The following ARHGEF28 variants were observed in gnomAD, a reference collection of about 807,000 sequenced individuals.
ARHGEF28 encodes 190 kDa guanine nucleotide exchange factor.
In ARHGEF28, 152 loss-of-function variants were observed where a neutral mutation model predicts 206.6. The ratio of observed to expected loss-of-function variants is 0.74; its 90% CI spans 0.64 to 0.84. ARHGEF28 has a LOEUF of 0.84. ARHGEF28 is among the 40% of genes least tolerant of loss of function. The probability of loss-of-function intolerance (pLI) is 0.00; values close to 1 mark genes in which losing one functional copy is unlikely to be tolerated. For synonymous variants in ARHGEF28, 763 were observed against 776.4 expected, an observed-to-expected ratio of 0.98 and a Z score of 0.29; for missense variants, 2,028 against 2,073.2, an observed-to-expected ratio of 0.98 and a Z score of 0.42.
intron 2 of ARHGEF28, among the ~76,000 whole-genome samples, chr5:73,727,812 A>C (rs1580533653): frequency 6.6e-6 from 1 of 152,284 alleles, no homozygotes; most frequent in South Asian, 2.1e-4. Context: ...ATTGAACAGA[A>C]TCCCTCAGCA....
intron 1 of ARHGEF28, among the ~76,000 whole-genome samples, chr5:73,673,196 T>C (rs780088860): frequency 2.9e-4 from 44 of 152,348 alleles, no homozygotes; most frequent in Non-Finnish European, 1.2e-4. Context: ...ATTGAAGGTT[T>C]TTACTTAGAC....
intron 9 of ARHGEF28, among the ~76,000 whole-genome samples, chr5:73,804,721 A>G (rs1404866835): frequency 6.6e-6 from 1 of 151,892 alleles, no homozygotes; most frequent in Non-Finnish European, 1.5e-5. Flanking sequence ...TCATCATTAC[A>G]CTGAGAATTA....
intron 21 of ARHGEF28, among the ~76,000 whole-genome samples, chr5:73,872,367 T>A (rs773679026): frequency 6.6e-6 from 1 of 152,284 alleles, no homozygotes; most frequent in Non-Finnish European, 1.5e-5. Context: ...ATAAGATTTT[T>A]AAAAATATAC....
chr5:73,714,870 T>C (rs1040531154), intron 2 of ARHGEF28, among the ~76,000 whole-genome samples: 2 of 152,208 alleles, frequency 1.3e-5, no homozygotes, highest in Admixed American at 6.5e-5. Context: ...GATTAGTTTC[T>C]TGCAGTAAAA....
intron 1 of ARHGEF28, among the ~76,000 whole-genome samples, chr5:73,664,678 G>T (rs1201279969): frequency 6.6e-6 from 1 of 151,958 alleles, no homozygotes; most frequent in Non-Finnish European, 1.5e-5. Flanking sequence ...TTTTCTCTTG[G>T]AGTTCTCCAA....
At chr5:73,665,571 G>C (rs1745898745) in intron 1 of ARHGEF28, among the ~76,000 whole-genome samples, 1 of 152,096 alleles carries the variant, frequency 6.6e-6, no homozygotes, top group East Asian at 1.9e-4. Context: ...AAATTTATTT[G>C]GTTCATGGTT....
intron 1 of ARHGEF28, among the ~76,000 whole-genome samples, chr5:73,635,204 A>G (rs565787002): frequency 2.0e-4 from 30 of 152,262 alleles, no homozygotes; most frequent in Middle Eastern, 3.4e-3. Flanking sequence ...TTATCCAGGC[A>G]TGGTGGCACA....
At chr5:73,824,429 G>A (rs1756771796) in intron 9 of ARHGEF28, among the ~76,000 whole-genome samples, 1 of 151,978 alleles carries the variant, frequency 6.6e-6, no homozygotes, top group African/African-American at 2.4e-5. Flanking sequence ...GCTGGGTCAG[G>A]GGACCTCCTG....
At chr5:73,885,780 A>G in intron 24 of ARHGEF28, 70 bp from the exon 25 acceptor site, 1 of 1,428,834 alleles carries the variant, frequency 7.0e-7, no homozygotes, top group Admixed American at 2.5e-5. Context: ...ACTAAAGAAG[A>G]AGTTTTCTTC....
intron 9 of ARHGEF28, among the ~76,000 whole-genome samples, chr5:73,831,507 T>G (rs1437143586): frequency 1.3e-5 from 2 of 152,246 alleles, no homozygotes; most frequent in Non-Finnish European, 2.9e-5. Flanking sequence ...TGTGAGATTC[T>G]GCATGTTAGC....
intron 1 of ARHGEF28, among the ~76,000 whole-genome samples, chr5:73,665,606 G>T (rs1445902225): frequency 6.6e-6 from 1 of 152,128 alleles, no homozygotes; most frequent in Non-Finnish European, 1.5e-5. Context: ...GTTCTAGCTG[G>T]TGGGGCTGCA....
intron 9 of ARHGEF28, among the ~76,000 whole-genome samples, chr5:73,811,893 G>T (rs1428473971): frequency 6.7e-6 from 1 of 148,854 alleles, no homozygotes; most frequent in Non-Finnish European, 1.5e-5. Context: ...TGAGGCAGGA[G>T]AATTGCTTGA....
At chr5:73,630,782 T>G in intron 1 of ARHGEF28, among the ~76,000 whole-genome samples, 1 of 152,222 alleles carries the variant, frequency 6.6e-6, no homozygotes, top group Non-Finnish European at 1.5e-5. Flanking sequence ...ACCCATTTTT[T>G]AACATTCTAC....
In ARHGEF28 at chr5:73,940,862, C is replaced by T; in HGVS notation, c.4967C>T (p.Thr1656Ile). 2 of 1,520,766 alleles carry T rather than the reference C, an allele frequency of 1.3e-6. No individual in the cohort carries two copies. The highest frequency in any genetic ancestry group is 1.8e-6 in the Non-Finnish European group (2 of 1,141,978). The allele number at this position is 1,520,766 out of a possible 1,614,324, so 94.2% of individuals were successfully genotyped here. A position where few individuals can be genotyped will look rare whatever the true frequency, so the allele number is the denominator to read the frequency against. ...SCKNDLDTSH[T>I]ESPTPHDSNS... ...CTTGCAGATTTGGACACCTCCCACA[C>T]TGAGTCCCCAACCCCCCATGACTCA... Residue 1656 changes from threonine to isoleucine, a missense_variant, in exon 36 of 36, where the codon ACT (threonine) becomes ATT (isoleucine). Thr to Ile is a moderately conservative substitution (Grantham distance 89). Transcript: ENST00000513042.
At chr5:73,801,412 A>G (rs1033309171) in intron 9 of ARHGEF28, among the ~76,000 whole-genome samples, 1 of 152,100 alleles carries the variant, frequency 6.6e-6, no homozygotes, top group Non-Finnish European at 1.5e-5. Context: ...GCACCACTGC[A>G]CTCCAGCCTG....
At chr5:73,783,941 C>T (rs1393624828) in intron 7 of ARHGEF28, among the ~76,000 whole-genome samples, 6 of 152,074 alleles carry the variant, frequency 3.9e-5, no homozygotes, top group Non-Finnish European at 5.9e-5. Flanking sequence ...CTTTAGAGCC[C>T]TTGAATCTAG....
At chr5:73,908,911 T>C (rs283620) in intron 33 of ARHGEF28, 71,998 of 152,224 alleles carry the variant, frequency 0.47, 17,234 homozygotes, top group East Asian at 0.54. Flanking sequence ...AGTTGTTTTT[T>C]ATTTTTATGT....
intron 4 of ARHGEF28, among the ~76,000 whole-genome samples, chr5:73,759,814 G>A (rs1752507338): frequency 6.6e-6 from 1 of 152,178 alleles, no homozygotes; most frequent in Non-Finnish European, 1.5e-5. Context: ...TTATGTGACA[G>A]CCACATCTTG....
At chr5:73,730,171 T>C (rs1343860013) in intron 2 of ARHGEF28, among the ~76,000 whole-genome samples, 2 of 152,236 alleles carry the variant, frequency 1.3e-5, no homozygotes, top group Admixed American at 1.3e-4. Flanking sequence ...TGTTTATAAA[T>C]TTATAAAATG....
Sources: gnomAD v4.1 joint callset for allele counts (sites outside exome capture counted in the v4.1 genomes callset) on GRCh38, gnomAD v4.1.1 for gene constraint, MANE v1.5 for transcripts, NCBI Gene and HGNC (gene_info 2026-07-23, HGNC 2026-07-21) for gene names.